Variants in NREP observed in about 807,000 individuals in gnomAD.
NREP encodes neuronal regeneration-related protein.
A neutral mutation model predicts 8.6 loss-of-function variants in NREP; 5 were observed. The observed-to-expected ratio is 0.58, with a 90% confidence interval of 0.30 to 1.22. The LOEUF (loss-of-function observed/expected upper bound fraction) is 1.22. NREP is among the 50% of genes most tolerant of loss of function. The pLI is 0.07. For missense variants in NREP, 86 were observed against 82.5 expected (o/e 1.04, Z -0.17); for synonymous variants, 27 against 28.0 (o/e 0.96, Z 0.11).
intron 1 of NREP, 109 bp from the exon 2 acceptor site, chr5:111,755,939 T>A: frequency 6.7e-7 from 1 of 1,488,214 alleles, no homozygotes; most frequent in Admixed American, 2.2e-5. Flanking sequence ...GTGGTTAAGA[T>A]AAGTTACATG....
intron 2 of NREP, among the ~76,000 whole-genome samples, chr5:111,817,425 CAGATT>C (rs1752408820): frequency 6.6e-6 from 1 of 152,084 alleles, no homozygotes; most frequent in Admixed American, 6.6e-5. Flanking sequence ...TTTTGTCAAT[CAGATT>C]AAAGAACATC....
chr5:111,972,386 G>A (rs902233258), intron 2 of NREP, among the ~76,000 whole-genome samples: 2 of 152,170 alleles, frequency 1.3e-5, no homozygotes, highest in African/African-American at 2.4e-5. Context: ...TTCTACGTCT[G>A]TGGATATTTG....
intron 2 of NREP, among the ~76,000 whole-genome samples, chr5:111,832,230 C>A (rs1752786010): frequency 6.6e-6 from 1 of 152,010 alleles, no homozygotes; most frequent in South Asian, 2.1e-4. Context: ...TTCAAAACCA[C>A]CCTGGGGCTG....
At chr5:111,900,910 A>G (rs1754631056) in intron 2 of NREP, among the ~76,000 whole-genome samples, 1 of 152,210 alleles carries the variant, frequency 6.6e-6, no homozygotes, top group African/African-American at 2.4e-5. Context: ...TTATTTTATG[A>G]GATCAGCATT....
chr5:111,793,908 T>C (rs1414614140), intron 2 of NREP, among the ~76,000 whole-genome samples: 2 of 151,974 alleles, frequency 1.3e-5, no homozygotes, highest in African/African-American at 4.8e-5. Flanking sequence ...AAAAAAATTA[T>C]AGCCAGGTGT....
chr5:111,734,640 A>T (rs1748934924), intron 3 of NREP: 1 of 632,418 alleles, frequency 1.6e-6, no homozygotes, highest in Non-Finnish European at 2.9e-6. Flanking sequence ...TAAACATTGA[A>T]ATACCAGTAA....
chr5:111,883,007 C>T (rs1314534605), intron 2 of NREP, among the ~76,000 whole-genome samples: 2 of 152,214 alleles, frequency 1.3e-5, no homozygotes, highest in South Asian at 2.1e-4. Flanking sequence ...GGACTAAATG[C>T]TCCAATTAAA....
intron 2 of NREP, among the ~76,000 whole-genome samples, chr5:111,814,754 G>A (rs976439360): frequency 2.0e-5 from 3 of 152,062 alleles, no homozygotes; most frequent in Non-Finnish European, 2.9e-5. Flanking sequence ...AAAAGAATGG[G>A]AGTATATGCA....
At chr5:111,898,507 A>G (rs929601880) in intron 2 of NREP, among the ~76,000 whole-genome samples, 1 of 152,270 alleles carries the variant, frequency 6.6e-6, no homozygotes, top group East Asian at 1.9e-4. Context: ...CTATCAAACT[A>G]TCTAATGATC....
chr5:111,966,934 G>T (rs1344693021), intron 2 of NREP, among the ~76,000 whole-genome samples: 2 of 152,204 alleles, frequency 1.3e-5, no homozygotes, highest in Non-Finnish European at 2.9e-5. Flanking sequence ...ATGGAAGAAT[G>T]GCTGTGCCCA....
chr5:111,848,221 AAGTT>A lies in NREP; in HGVS notation c.136-112718_136-112715del, dbSNP rs573401930. On this transcript the variant is annotated intron_variant, in intron 2 of 3. Transcript: ENST00000395634. Reference sequence around the variant, plus strand: ...GATTCTTAGTTTGATATAAATTTAAAAGTTAGTAAGTTCTTTCTTTCACATCAAC... The same window carrying A: ...GATTCTTAGTTTGATATAAATTTAAAAGTAAGTTCTTTCTTTCACATCAAC... Among the ~76,000 whole-genome samples, 63 of 152,240 alleles carry A rather than the reference AAGTT, an allele frequency of 4.1e-4. 1 individual carries two copies. The highest frequency in any genetic ancestry group is 3.7e-3 in the East Asian group (19 of 5,192).
rs190547778 is a variant in NREP, at chr5:111,769,503, G to A, written c.136-33996C>T. Among the ~76,000 whole-genome samples the A allele has an allele frequency of 6.4e-3, 968 of 152,340 alleles. 5 individuals are homozygous for A. The highest frequency in any genetic ancestry group is 0.029 in the South Asian group (140 of 4,822). ...CCTCTTTGAGGCAGCACTTGAGCTA[G>A]GACCTGAATAAGAAGCCAAGGTTGA... is the stretch of plus-strand genomic sequence containing the variant. On this transcript the variant is annotated intron_variant, in intron 2 of 3. Coordinates refer to the NREP transcript ENST00000395634.
chr5:111,800,413 T>C (rs1449780799), intron 2 of NREP, among the ~76,000 whole-genome samples: 2 of 152,264 alleles, frequency 1.3e-5, no homozygotes, highest in African/African-American at 2.4e-5. Flanking sequence ...ACTTGTGCCA[T>C]TGCACAGAAG....
At chr5:111,946,074 T>TCTCA (rs148245048) in intron 2 of NREP, among the ~76,000 whole-genome samples, 1 of 126,822 alleles carries the variant, frequency 7.9e-6, no homozygotes, top group African/African-American at 2.8e-5. Flanking sequence ...GAGATTTTGA[T>TCTCA]CACACACACA....
chr5:111,910,536 T>C (rs1346030337), intron 2 of NREP, among the ~76,000 whole-genome samples: 1 of 152,112 alleles, frequency 6.6e-6, no homozygotes, highest in Non-Finnish European at 1.5e-5. Flanking sequence ...AAGAAACTTA[T>C]GGAAAATTAT....
At chr5:111,887,808 T>C (rs933599260) in intron 2 of NREP, among the ~76,000 whole-genome samples, 14 of 152,192 alleles carry the variant, frequency 9.2e-5, no homozygotes, top group African/African-American at 3.4e-4. Context: ...ATTCATATTT[T>C]TATAAATTTC....
intron 2 of NREP, among the ~76,000 whole-genome samples, chr5:111,741,852 C>G (rs1172239065): frequency 2.0e-5 from 3 of 151,964 alleles, no homozygotes; most frequent in East Asian, 3.9e-4. Flanking sequence ...CACACACACA[C>G]ACACACACAC....
chr5:111,828,847 C>G (rs896126294), intron 2 of NREP, among the ~76,000 whole-genome samples: 1 of 152,084 alleles, frequency 6.6e-6, no homozygotes, highest in Non-Finnish European at 1.5e-5. Flanking sequence ...GAGGAGCTAT[C>G]ATAATGAATA....
chr5:111,925,906 C>T (rs11745819), intron 2 of NREP, among the ~76,000 whole-genome samples: 14,848 of 152,196 alleles, frequency 0.098, 1,068 homozygotes, highest in African/African-American at 0.2. Context: ...TCCTCCACTA[C>T]CTTATCTCCA....
Sources: gnomAD v4.1 joint callset for allele counts (sites outside exome capture counted in the v4.1 genomes callset) on GRCh38, gnomAD v4.1.1 for gene constraint, MANE v1.5 for transcripts, NCBI Gene and HGNC (gene_info 2026-07-23, HGNC 2026-07-21) for gene names.